Variants in SCAPER observed in about 807,000 individuals in gnomAD.
SCAPER encodes S phase cyclin A-associated protein in the endoplasmic reticulum.
A neutral mutation model predicts 182.2 loss-of-function variants in SCAPER; 98 were observed. That is an observed-to-expected ratio of 0.54 (90% confidence interval 0.46 to 0.64). SCAPER has a LOEUF of 0.64. Among genes scored for constraint, SCAPER ranks in the 30% least tolerant of loss-of-function variants. SCAPER has a pLI of 0.00. For synonymous variants in SCAPER, 605 were observed against 564.6 expected (o/e 1.07, Z -1.01); for missense variants, 1,432 against 1,690.0 (o/e 0.85, Z 2.68).
chr15:76,513,828 G>C (rs1295912784), intron 23 of SCAPER, among the ~76,000 whole-genome samples: 1 of 152,150 alleles, frequency 6.6e-6, no homozygotes, highest in Non-Finnish European at 1.5e-5. Flanking sequence ...TTTCCAACTT[G>C]TAGTGTTCAA....
chr15:76,466,649 G>A (rs1162219799), intron 25 of SCAPER, among the ~76,000 whole-genome samples: 1 of 150,456 alleles, frequency 6.6e-6, no homozygotes. Flanking sequence ...GCTTTGTTGG[G>A]ATCTGTGCAC....
chr15:76,857,263 T>C (rs2071469800), intron 4 of SCAPER, among the ~76,000 whole-genome samples: 1 of 151,812 alleles, frequency 6.6e-6, no homozygotes, highest in South Asian at 2.1e-4. Flanking sequence ...TGAAACCCCG[T>C]CTCTATTAAA....
intron 21 of SCAPER, among the ~76,000 whole-genome samples, chr15:76,665,066 C>T (rs939996998): frequency 1.3e-5 from 2 of 152,138 alleles, no homozygotes; most frequent in Admixed American, 6.6e-5. Flanking sequence ...TCTGTGTCCT[C>T]GAACCGGACT....
intron 22 of SCAPER, among the ~76,000 whole-genome samples, chr15:76,599,092 C>T (rs116011521): frequency 0.038 from 4,556 of 119,720 alleles, 713 homozygotes; most frequent in African/African-American, 0.11. Context: ...AGATAATTCA[C>T]CAAAAATGGC....
intron 2 of SCAPER, among the ~76,000 whole-genome samples, chr15:76,862,785 A>G (rs930435839): frequency 4.6e-5 from 7 of 152,190 alleles, no homozygotes; most frequent in Non-Finnish European, 7.3e-5. Flanking sequence ...AAAGTGGCCT[A>G]AAGAGCACCA....
intron 17 of SCAPER, among the ~76,000 whole-genome samples, chr15:76,725,063 T>C (rs1598386561): frequency 6.6e-6 from 1 of 152,110 alleles, no homozygotes; most frequent in East Asian, 1.9e-4. Context: ...TATTCGGTCA[T>C]CTTCTCTCCA....
At position 76,596,617 on chromosome 15, in the gene SCAPER, T is replaced by A. The variant is rs1330252480; in HGVS notation, c.2712-22333A>T. ...AGCACATTAAAAAGCTTATCTACCA[T>A]GATCAAGTCGGCTTCATCCCTGGGA... On this transcript the variant is annotated intron_variant, in intron 22 of 31. Transcript: ENST00000563290. Among the ~76,000 whole-genome samples the A allele has an allele frequency of 2.5e-5, 3 of 121,144 alleles. 1 individual carries two copies. Among genetic ancestry groups the A allele is most frequent in the African/African-American group, 7.6e-5 (3 of 39,632 alleles). The allele number at this position is 121,144 out of a possible 152,430, so 79.5% of individuals were successfully genotyped here.
rs376765104 is a variant in SCAPER, at chr15:76,732,582, C to T, written c.2022+647G>A. Among the ~76,000 whole-genome samples, 96 of 152,118 alleles carry T rather than the reference C, an allele frequency of 6.3e-4. No homozygotes were observed. The South Asian group carries it at 0.019, about 30-fold the overall frequency. ...CATTGCCAAGCGGACCGTGGTCTAG[C>T]GGTAGCATCAGTGTCAAGGAAAAAC... On this transcript the variant is annotated intron_variant, in intron 16 of 31. Coordinates refer to ENST00000563290, the MANE Select transcript of SCAPER (RefSeq NM_020843.4).
At chr15:76,461,278 T>A (rs1311264830) in intron 25 of SCAPER, among the ~76,000 whole-genome samples, 1 of 151,958 alleles carries the variant, frequency 6.6e-6, no homozygotes, top group Non-Finnish European at 1.5e-5. Context: ...TTTGATAACT[T>A]GGTTAAAGTG....
At chr15:76,374,892 A>T (rs1175655805) in intron 29 of SCAPER, among the ~76,000 whole-genome samples, 1 of 152,058 alleles carries the variant, frequency 6.6e-6, no homozygotes, top group Non-Finnish European at 1.5e-5. Context: ...GTACTTTATT[A>T]TTAGTAAAAA....
At chr15:76,630,315 C>T (rs1168017141) in intron 21 of SCAPER, among the ~76,000 whole-genome samples, 1 of 152,036 alleles carries the variant, frequency 6.6e-6, no homozygotes, top group Non-Finnish European at 1.5e-5. Flanking sequence ...CTGCTCTGAG[C>T]TTGGTTATTT....
At chr15:76,452,420 C>T (rs940386645) in intron 25 of SCAPER, among the ~76,000 whole-genome samples, 3 of 152,198 alleles carry the variant, frequency 2.0e-5, no homozygotes, top group African/African-American at 7.2e-5. Flanking sequence ...ATAACATCAG[C>T]GTTTTGTTCA....
intron 8 of SCAPER, among the ~76,000 whole-genome samples, chr15:76,783,465 A>T (rs879741865): frequency 6.6e-6 from 1 of 152,146 alleles, no homozygotes; most frequent in Non-Finnish European, 1.5e-5. Context: ...CAAATAGGAG[A>T]TGGTATCATT....
intron 27 of SCAPER, among the ~76,000 whole-genome samples, chr15:76,397,101 C>G (rs2044118893): frequency 6.7e-6 from 1 of 149,510 alleles, no homozygotes; most frequent in South Asian, 2.1e-4. Context: ...AGTTTTTGTC[C>G]TTCATTCTGT....
At chr15:76,821,407 G>A (rs929386088) in intron 5 of SCAPER, among the ~76,000 whole-genome samples, 5 of 151,942 alleles carry the variant, frequency 3.3e-5, no homozygotes, top group African/African-American at 7.3e-5. Context: ...TCACTTGAGC[G>A]CAGGAGTTGG....
chr15:76,445,715 C>T (rs1194966188), intron 25 of SCAPER, among the ~76,000 whole-genome samples: 6 of 152,136 alleles, frequency 3.9e-5, no homozygotes, highest in African/African-American at 1.4e-4. Context: ...TCTCACTTGG[C>T]CCCTTCTGGC....
chr15:76,509,759 C>A (rs777155061), intron 23 of SCAPER, among the ~76,000 whole-genome samples: 1 of 152,060 alleles, frequency 6.6e-6, no homozygotes, highest in South Asian at 2.1e-4. Flanking sequence ...AGAGCCTGCA[C>A]AGCCCAAGCA....
chr15:76,848,369 C>T (rs142804406), intron 4 of SCAPER, among the ~76,000 whole-genome samples: 98 of 148,448 alleles, frequency 6.6e-4, no homozygotes, highest in African/African-American at 2.2e-3. Context: ...CGCTCTGTCG[C>T]CCAGGCTGGA....
chr15:76,678,605 G>T (rs1378578124), intron 20 of SCAPER, among the ~76,000 whole-genome samples: 3 of 152,064 alleles, frequency 2.0e-5, no homozygotes, highest in Admixed American at 1.3e-4. Context: ...TGAAGAGGGT[G>T]AGAGAAGTAA....
Sources: gnomAD v4.1 joint callset for allele counts (sites outside exome capture counted in the v4.1 genomes callset) on GRCh38, gnomAD v4.1.1 for gene constraint, MANE v1.5 for transcripts, NCBI Gene and HGNC (gene_info 2026-07-23, HGNC 2026-07-21) for gene names.